The following BZW2 variants were observed in gnomAD, a reference collection of about 807,000 sequenced individuals.
The protein encoded by BZW2 is eIF5-mimic protein 1.
A neutral mutation model predicts 53.2 loss-of-function variants in BZW2; 23 were observed. The ratio of observed to expected loss-of-function variants is 0.43; its 90% CI spans 0.31 to 0.61. BZW2 has a LOEUF of 0.61. BZW2 is among the 20% of genes least tolerant of loss of function. The pLI is 0.09. For synonymous variants in BZW2, 227 were observed against 186.4 expected (o/e 1.22, Z -1.77); for missense variants, 409 against 503.1 (o/e 0.81, Z 1.79).
intron 11 of BZW2, among the ~76,000 whole-genome samples, chr7:16,705,608 A>C (rs1267848683): frequency 2.0e-5 from 3 of 148,256 alleles, no homozygotes; most frequent in Non-Finnish European, 4.5e-5. Context: ...TGGCATGAAC[A>C]CAGGAGGCGG....
chr7:16,673,179 C>T (rs1782659933), intron 2 of BZW2, among the ~76,000 whole-genome samples: 2 of 152,114 alleles, frequency 1.3e-5, no homozygotes, highest in Admixed American at 1.3e-4. Context: ...ATCTTCTGAC[C>T]TCGTGATCCG....
chr7:16,678,143 C>T (rs1192978373), intron 3 of BZW2, among the ~76,000 whole-genome samples: 3 of 137,322 alleles, frequency 2.2e-5, no homozygotes, highest in Admixed American at 7.9e-5. Flanking sequence ...AGTGTTGGCT[C>T]ACTGCAACTT....
chr7:16,656,980 T>C (rs1485688574), intron 1 of BZW2, among the ~76,000 whole-genome samples: 1 of 152,154 alleles, frequency 6.6e-6, no homozygotes, highest in Non-Finnish European at 1.5e-5. Context: ...CATCCCAGGA[T>C]CATAGTGAAT....
chr7:16,670,155 G>GT (rs1782558665), intron 2 of BZW2, among the ~76,000 whole-genome samples: 1 of 152,164 alleles, frequency 6.6e-6, no homozygotes, highest in South Asian at 2.1e-4. Flanking sequence ...TCCATCATAA[G>GT]TTTTTAAGAT....
chr7:16,681,464 C>A, intron 4 of BZW2, 60 bp downstream of exon 4: 1 of 1,330,560 alleles, frequency 7.5e-7, no homozygotes. Context: ...TCTATAGAAG[C>A]TCTACAGTCC....
At position 16,664,106 on chromosome 7, in the gene BZW2, A is replaced by G. The variant is rs985444285; in HGVS notation, c.-7-1331A>G. Among the ~76,000 whole-genome samples, 7 of 152,278 alleles carry G rather than the reference A, an allele frequency of 4.6e-5. No individual in the cohort carries two copies. In the East Asian group the frequency reaches 1.3e-3, roughly 29 times the overall value. On this transcript the variant is annotated intron_variant, in intron 1 of 11. Coordinates refer to ENST00000258761, the MANE Select transcript of BZW2 (RefSeq NM_014038.3). ...TTCAGCTTGCTTTTTTCCACTATCA[A>G]TATCCCTTGAGCATCTTTCCATAAC...
At chr7:16,678,034 A>C (rs890772888) in intron 3 of BZW2, among the ~76,000 whole-genome samples, 2 of 148,294 alleles carry the variant, frequency 1.3e-5, no homozygotes, top group Non-Finnish European at 3.0e-5. Flanking sequence ...TGCTTTGTTT[A>C]ATTATTATGT....
intron 1 of BZW2, among the ~76,000 whole-genome samples, chr7:16,649,189 G>C (rs2128349152): frequency 6.6e-6 from 1 of 152,228 alleles, no homozygotes; most frequent in Middle Eastern, 3.4e-3. Context: ...TTATTAATCT[G>C]TTTGGTCCCT....
At chr7:16,686,227 AGTTTG>A in intron 6 of BZW2, 187 bp downstream of exon 6, 6 of 884,166 alleles carry the variant, frequency 6.8e-6, no homozygotes, top group Admixed American at 5.5e-5. Flanking sequence ...AATTGTAGGA[AGTTTG>A]AAGGAAAAAA....
At chr7:16,705,807 A>G (rs942677300) in intron 11 of BZW2, among the ~76,000 whole-genome samples, 5 of 150,468 alleles carry the variant, frequency 3.3e-5, no homozygotes, top group African/African-American at 1.2e-4. Flanking sequence ...TTTAATATAT[A>G]TAAAATGTAT....
At chr7:16,677,211 A>AT (rs1782793800) in intron 3 of BZW2, among the ~76,000 whole-genome samples, 1 of 152,064 alleles carries the variant, frequency 6.6e-6, no homozygotes, top group Non-Finnish European at 1.5e-5. Flanking sequence ...GCAATAGATG[A>AT]TTGGCTATTT....
At chr7:16,692,295 A>T (rs1200867985) in intron 7 of BZW2, among the ~76,000 whole-genome samples, 1 of 152,212 alleles carries the variant, frequency 6.6e-6, no homozygotes. Context: ...GATCTCTTCC[A>T]TTATTTATTC....
rs573257652 is a variant in BZW2 at position 16,648,902 on chromosome 7, C to G, written c.-8+2614C>G. 3.9e-5 allele frequency among the ~76,000 whole-genome samples: 6 copies of G among 152,278 alleles called. No homozygotes were observed. The East Asian group carries it at 1.2e-3, about 29-fold the overall frequency. On this transcript the variant is annotated intron_variant, in intron 1 of 11. Coordinates refer to ENST00000258761, the MANE Select transcript of BZW2 (RefSeq NM_014038.3). ...TCTTTTCTTCAGCTTTTGTGTTCAT[C>G]TCTCCCTCTCTATCCAGTAAGGGAA...
At chr7:16,680,172 A>C (rs1162621819) in intron 3 of BZW2, among the ~76,000 whole-genome samples, 2 of 152,168 alleles carry the variant, frequency 1.3e-5, no homozygotes, top group South Asian at 2.1e-4. Flanking sequence ...GAAGGCAAAA[A>C]GATTCTATGA....
chr7:16,680,146 A>G (rs758730841), intron 3 of BZW2, among the ~76,000 whole-genome samples: 2 of 152,136 alleles, frequency 1.3e-5, no homozygotes, highest in Non-Finnish European at 2.9e-5. Context: ...GAGCAATTGT[A>G]ATAGCTACCC....
chr7:16,695,249 G>A (rs1783441912), intron 8 of BZW2, among the ~76,000 whole-genome samples: 2 of 152,156 alleles, frequency 1.3e-5, no homozygotes, highest in Admixed American at 1.3e-4. Flanking sequence ...TATTTTACCA[G>A]GCTGCTATGA....
intron 1 of BZW2, among the ~76,000 whole-genome samples, chr7:16,649,022 A>G (rs1044685397): frequency 6.6e-6 from 1 of 152,134 alleles, no homozygotes; most frequent in Admixed American, 6.6e-5. Context: ...CAACATGGCT[A>G]CTGGTATCAT....
At chr7:16,689,666 A>G (rs533960818) in intron 6 of BZW2, 131 bp from the exon 7 acceptor site, 10 of 625,906 alleles carry the variant, frequency 1.6e-5, no homozygotes, top group South Asian at 1.3e-4. Flanking sequence ...CTAGAGGTCT[A>G]TTGACTTTTC....
Position 16,694,891 on chromosome 7 carries a change from G to C in BZW2, c.709G>C (p.Ala237Pro), listed in dbSNP as rs746394268. 1 of 1,585,592 alleles carries C rather than the reference G, an allele frequency of 6.3e-7. No individual in the cohort carries two copies. Among genetic ancestry groups the C allele is most frequent in the Admixed American group, 1.7e-5 (1 of 59,752 alleles). ...TCATTTTGCTAAATACTTCACTGAC[G>C]CAGGTCTTAAGGAGCTTTCCGACTT... ...VDHFAKYFTD[A>P]GLKELSDFLR... is the part of the protein sequence containing the mutation. The change falls in exon 8 of 12, where the codon GCA becomes CCA. Residue 237 changes from alanine to proline, a missense_variant. This residue lies in a region of BZW2 where 316 missense variants were observed against 366.8 expected (regional missense o/e 0.86). Coordinates refer to ENST00000258761, the MANE Select transcript of BZW2 (RefSeq NM_014038.3).
Sources: allele counts gnomAD v4.1 joint callset (sites outside exome capture counted in the v4.1 genomes callset), GRCh38; gene constraint gnomAD v4.1.1; regional missense constraint gnomAD v4.1.1; transcripts MANE v1.5; gene names NCBI Gene and HGNC (gene_info 2026-07-23, HGNC 2026-07-21).